Variants in ZCCHC13 observed in about 807,000 individuals in gnomAD.
ZCCHC13 encodes zinc finger CCHC-type containing 13, also known as zinc finger CCHC domain-containing protein 13.
For missense variants in ZCCHC13, 133 were observed against 135.9 expected (o/e 0.98, Z 0.11); for synonymous variants, 58 against 52.3 (o/e 1.11, Z -0.47).
Position 74,304,911 on chromosome X carries a change from G to C in ZCCHC13, c.*144G>C. On this transcript the variant is annotated 3_prime_UTR_variant, in exon 1 of 1. Coordinates refer to ENST00000339534, the MANE Select transcript of ZCCHC13 (RefSeq NM_203303.3). ...GTGAGCTTTAATTACCATGTTAAAG[G>C]AGGAAAGAGCTAGAAAAAAAAACCT... 1 of 472,623 alleles carries C rather than the reference G, an allele frequency of 2.1e-6. No individual in the cohort carries two copies. The highest frequency in any genetic ancestry group is 3.6e-6 in the Non-Finnish European group (1 of 279,564). The allele number at this position is 472,623 out of a possible 1,213,427, so 38.9% of individuals were successfully genotyped here.
Position 74,304,349 on chromosome X carries a change from G to A in ZCCHC13, c.83G>A (p.Arg28Lys). Residue 28 changes from arginine (R) to lysine (K), a missense_variant, in exon 1 of 1, where the codon AGA (arginine) becomes AAA (lysine). Arg to Lys is a conservative substitution (Grantham distance 26). Coordinates refer to ENST00000339534, the MANE Select transcript of ZCCHC13 (RefSeq NM_203303.3). The part of the protein sequence containing the change: ...GCPRGGAGGR[R>K]GGGHGRGSQC... ...CCTAGAGGAGGAGCTGGAGGGCGAAGAGGTGGAGGCCATGGCAGAGGTTCT... is the reference window on the plus strand; with the variant it reads ...CCTAGAGGAGGAGCTGGAGGGCGAAAAGGTGGAGGCCATGGCAGAGGTTCT... 1 of 1,212,029 alleles carries A rather than the reference G, an allele frequency of 8.3e-7. No homozygotes were observed. Among genetic ancestry groups the A allele is most frequent in the Non-Finnish European group, 1.1e-6 (1 of 895,530 alleles).
rs755574156 is a variant in ZCCHC13, at chrX:74,304,745, C to G, written c.479C>G (p.Ser160Cys). 1.9e-5 allele frequency: 23 copies of G among 1,208,689 alleles called. No homozygotes were observed. Among genetic ancestry groups the G allele is most frequent in the South Asian group, 3.5e-5 (2 of 56,634 alleles). Residue 160 changes from serine to cysteine, a missense_variant, in exon 1 of 1, where the codon TCT (serine) becomes TGT (cysteine). Physicochemically the swap from Ser to Cys is moderately radical, Grantham distance 112 (BLOSUM62 -1). Coordinates refer to ENST00000339534, the MANE Select transcript of ZCCHC13 (RefSeq NM_203303.3). ...QLLPLRQIPT[S>C]SQGMSQ ...CTACCGCTGCGGCAAATCCCGACAT[C>G]TAGCCAAGGAATGTCCCAGTGAGGT...
chrX:74,304,237 G>A lies in ZCCHC13; in HGVS notation c.-30G>A, dbSNP rs760398494. On this transcript the variant is annotated 5_prime_UTR_variant, in exon 1 of 1. Coordinates refer to ENST00000339534, the MANE Select transcript of ZCCHC13 (RefSeq NM_203303.3). ...GCCGGGGCCTCCGGGGCCGAGGTGG[G>A]CCTGCTCATTGGAAGATCGCATCGC... 23 of 1,166,101 alleles carry A rather than the reference G, an allele frequency of 2.0e-5. No individual in the cohort carries two copies. Among genetic ancestry groups the A allele is most frequent in the Non-Finnish European group, 2.6e-5 (23 of 870,392 alleles).
At position 74,304,262 on chromosome X, in the gene ZCCHC13, C is replaced by T; in HGVS notation, c.-5C>T. Reference sequence around the variant, plus strand: ...GCCTGCTCATTGGAAGATCGCATCGCAGCCATGAGCAGTAAGGATTTCTTC... The same window carrying T: ...GCCTGCTCATTGGAAGATCGCATCGTAGCCATGAGCAGTAAGGATTTCTTC... On this transcript the variant is annotated 5_prime_UTR_variant, in exon 1 of 1. Transcript: ENST00000339534. The T allele has an allele frequency of 8.4e-7, 1 of 1,186,523 alleles. No homozygotes were observed. Among genetic ancestry groups the T allele is most frequent in the Non-Finnish European group, 1.1e-6 (1 of 880,595 alleles).
At position 74,304,483 on chromosome X, in the gene ZCCHC13, A is replaced by G. The variant is rs1926492357; in HGVS notation, c.217A>G (p.Ser73Gly). Residue 73 changes from serine to glycine, a missense_variant, in exon 1 of 1, where the codon AGC (serine) becomes GGC (glycine). Physicochemically the swap from Ser to Gly is moderately conservative, Grantham distance 56. Transcript: ENST00000339534. ...LGNICYNCGR[S>G]GHIAKDCKDP... is the part of the protein sequence containing the mutation. ...AAACATCTGCTACAACTGTGGGAGA[A>G]GCGGCCACATCGCCAAAGACTGTAA... 8.3e-7 allele frequency: 1 copy of G among 1,210,820 alleles called. No homozygotes were observed. The highest frequency in any genetic ancestry group is 1.7e-5 in the African/African-American group (1 of 57,372).
Position 74,304,653 on chromosome X carries a change from G to A in ZCCHC13, c.387G>A (p.Lys129=). ...GHIQKDCAQV[K]CYRCGEIGHV... is the part of the protein sequence containing the mutation. ...TTCAGAAAGACTGCGCCCAGGTCAA[G>A]TGTTACCGATGCGGCGAGATTGGCC... The change falls in exon 1 of 1, where the codon AAG becomes AAA. Residue 129 remains lysine (K), a synonymous_variant. Transcript: ENST00000339534. 2 of 1,211,993 alleles carry A rather than the reference G, an allele frequency of 1.7e-6. No individual in the cohort carries two copies. Among genetic ancestry groups the A allele is most frequent in the South Asian group, 3.5e-5 (2 of 57,001 alleles).
chrX:74,304,903 T>C lies in ZCCHC13; in HGVS notation c.*136T>C, dbSNP rs1002266041. 5.9e-5 allele frequency: 28 copies of C among 476,486 alleles called. No homozygotes were observed. In the African/African-American group the frequency reaches 6.8e-4, roughly 12 times the overall value. The allele number at this position is 476,486 out of a possible 1,213,427, so 39.3% of individuals were successfully genotyped here. ...TCAGGCAAGTGAGCTTTAATTACCA[T>C]GTTAAAGGAGGAAAGAGCTAGAAAA... On this transcript the variant is annotated 3_prime_UTR_variant, in exon 1 of 1. Coordinates refer to ENST00000339534, the MANE Select transcript of ZCCHC13 (RefSeq NM_203303.3).
Position 74,304,295 on chromosome X carries a change from G to T in ZCCHC13, c.29G>T (p.Gly10Val). ...AGCAGTAAGGATTTCTTCGCGTGTGGACACTCTGGCCATTGGGCTCGGGGA... is the reference window on the plus strand; with the variant it reads ...AGCAGTAAGGATTTCTTCGCGTGTGTACACTCTGGCCATTGGGCTCGGGGA... MSSKDFFAC[G>V]HSGHWARGCP... Residue 10 changes from glycine to valine, a missense_variant, in exon 1 of 1, where the codon GGA (glycine) becomes GTA (valine). Transcript: ENST00000339534. The T allele has an allele frequency of 8.3e-7, 1 of 1,208,381 alleles. No homozygotes were observed.
In ZCCHC13 at chrX:74,304,859, C is replaced by G; in HGVS notation, c.*92C>G. 9.5e-6 allele frequency: 7 copies of G among 739,560 alleles called. No homozygotes were observed. The highest frequency in any genetic ancestry group is 1.4e-5 in the Non-Finnish European group (7 of 507,314). 60.9% of individuals were successfully genotyped at this position (739,560 alleles called of 1,213,427 possible). A position where few individuals can be genotyped will look rare whatever the true frequency, so the allele number is the denominator to read the frequency against. On this transcript the variant is annotated 3_prime_UTR_variant, in exon 1 of 1. Transcript: ENST00000339534. Reference sequence around the variant, plus strand: ...CCGAAAACTTCACTCACCGAAAGGTCGATAGATTGAGGCTACTCTCAGGCA... The same window carrying G: ...CCGAAAACTTCACTCACCGAAAGGTGGATAGATTGAGGCTACTCTCAGGCA...
rs1378914630 is a variant in ZCCHC13, at chrX:74,304,272, C to A, written c.6C>A (p.Ser2Arg). 1.7e-6 allele frequency: 2 copies of A among 1,196,842 alleles called. No homozygotes were observed. The highest frequency in any genetic ancestry group is 2.3e-6 in the Non-Finnish European group (2 of 887,376). The change falls in exon 1 of 1, where the codon AGC becomes AGA. Residue 2 changes from serine (S) to arginine (R), a missense_variant. Physicochemically the swap from Ser to Arg is moderately radical, Grantham distance 110. Coordinates refer to ENST00000339534, the MANE Select transcript of ZCCHC13 (RefSeq NM_203303.3). The part of the protein sequence containing the change: M[S>R]SKDFFACGHS... The stretch of plus-strand genomic sequence containing the variant: ...TGGAAGATCGCATCGCAGCCATGAG[C>A]AGTAAGGATTTCTTCGCGTGTGGAC...
Position 74,304,761 on chromosome X carries a change from C to T in ZCCHC13, c.495C>T (p.Ser165=), listed in dbSNP as rs768305262. Residue 165 remains serine, a synonymous_variant, in exon 1 of 1, where the codon TCC becomes TCT. Transcript: ENST00000339534. ...TCCCGACATCTAGCCAAGGAATGTC[C>T]CAGTGAGGTTACCACTTAAATCTTC... The part of the protein sequence containing the change: ...RQIPTSSQGM[S]Q 1 of 1,207,093 alleles carries T rather than the reference C, an allele frequency of 8.3e-7. No homozygotes were observed. Among genetic ancestry groups the T allele is most frequent in the Non-Finnish European group, 1.1e-6 (1 of 892,273 alleles).
chrX:74,304,225 G>A lies in ZCCHC13; in HGVS notation c.-42G>A, dbSNP rs771617629. The A allele has an allele frequency of 4.4e-6, 5 of 1,142,243 alleles. No individual in the cohort carries two copies. The highest frequency in any genetic ancestry group is 3.5e-6 in the Non-Finnish European group (3 of 860,188). The allele number at this position is 1,142,243 out of a possible 1,213,427, so 94.1% of individuals were successfully genotyped here. ...AAGCGGGGTTGCGCCGGGGCCTCCGGGGCCGAGGTGGGCCTGCTCATTGGA... is the reference window on the plus strand; with the variant it reads ...AAGCGGGGTTGCGCCGGGGCCTCCGAGGCCGAGGTGGGCCTGCTCATTGGA... On this transcript the variant is annotated 5_prime_UTR_variant, in exon 1 of 1. Coordinates refer to ENST00000339534, the MANE Select transcript of ZCCHC13 (RefSeq NM_203303.3).
Position 74,304,512 on chromosome X carries a change from T to C in ZCCHC13, c.246T>C (p.Asp82=). 8.3e-7 allele frequency: 1 copy of C among 1,211,701 alleles called. No individual in the cohort carries two copies. The change falls in exon 1 of 1, where the codon GAT becomes GAC. Residue 82 remains aspartate (D), a synonymous_variant. Transcript: ENST00000339534. ...GCCACATCGCCAAAGACTGTAAGGA[T>C]CCTAAACGAGAGAGACGCCAACACT... is the stretch of plus-strand genomic sequence containing the variant. ...RSGHIAKDCK[D]PKRERRQHCY...
Position 74,304,529 on chromosome X carries a change from G to T in ZCCHC13, c.263G>T (p.Arg88Leu). The T allele has an allele frequency of 1.6e-6, 2 of 1,212,231 alleles. No individual in the cohort carries two copies. The highest frequency in any genetic ancestry group is 2.2e-6 in the Non-Finnish European group (2 of 895,628). ...KDCKDPKRER[R>L]QHCYTCGRLG... ...TGTAAGGATCCTAAACGAGAGAGAC[G>T]CCAACACTGTTATACCTGCGGCAGA... is the stretch of plus-strand genomic sequence containing the variant. Residue 88 changes from arginine to leucine, a missense_variant, in exon 1 of 1, where the codon CGC becomes CTC. Physicochemically the swap from Arg to Leu is moderately radical, Grantham distance 102. Coordinates refer to ENST00000339534, the MANE Select transcript of ZCCHC13 (RefSeq NM_203303.3).
Position 74,304,421 on chromosome X carries a change from A to C in ZCCHC13, c.155A>C (p.Glu52Ala). 8.3e-7 allele frequency: 1 copy of C among 1,212,025 alleles called. No homozygotes were observed. Among genetic ancestry groups the C allele is most frequent in the Non-Finnish European group, 1.1e-6 (1 of 895,609 alleles). The change falls in exon 1 of 1, where the codon GAG becomes GCG. Residue 52 changes from glutamate to alanine, a missense_variant. Coordinates refer to ENST00000339534, the MANE Select transcript of ZCCHC13 (RefSeq NM_203303.3). ...TLSYTCYCCG[E>A]SGRNAKNCVL... ...TCTTACACCTGTTACTGCTGTGGTG[A>C]GTCCGGTCGTAATGCTAAGAACTGT...
chrX:74,304,989 C>A lies in ZCCHC13; in HGVS notation c.*222C>A. On this transcript the variant is annotated 3_prime_UTR_variant, in exon 1 of 1. Coordinates refer to ENST00000339534, the MANE Select transcript of ZCCHC13 (RefSeq NM_203303.3). ...CCACAATTAACGTGTTGCTTCTGCC[C>A]CACGGGCAAATCTAGTTATTAAATA... 1 of 373,138 alleles carries A rather than the reference C, an allele frequency of 2.7e-6. No homozygotes were observed. Among genetic ancestry groups the A allele is most frequent in the South Asian group, 4.6e-5 (1 of 21,539 alleles). The allele number at this position is 373,138 out of a possible 1,213,427, so 30.8% of individuals were successfully genotyped here. A position where few individuals can be genotyped will look rare whatever the true frequency, so the allele number is the denominator to read the frequency against.
In ZCCHC13 at chrX:74,304,466, G is replaced by A; in HGVS notation, c.200G>A (p.Cys67Tyr). ...AKNCVLLGNI[C>Y]YNCGRSGHIA... ...AACTGTGTCCTTCTCGGAAACATCT[G>A]CTACAACTGTGGGAGAAGCGGCCAC... is the stretch of plus-strand genomic sequence containing the variant. Residue 67 changes from cysteine (C) to tyrosine (Y), a missense_variant, in exon 1 of 1, where the codon TGC becomes TAC. Transcript: ENST00000339534. 1 of 1,212,265 alleles carries A rather than the reference G, an allele frequency of 8.2e-7. No homozygotes were observed. Among genetic ancestry groups the A allele is most frequent in the South Asian group, 1.8e-5 (1 of 57,018 alleles).
chrX:74,304,205 G>C lies in ZCCHC13; in HGVS notation c.-62G>C. On this transcript the variant is annotated 5_prime_UTR_variant, in exon 1 of 1. Coordinates refer to ENST00000339534, the MANE Select transcript of ZCCHC13 (RefSeq NM_203303.3). ...AATTCTTTCTAAGCCGCCCAAAGCGGGGTTGCGCCGGGGCCTCCGGGGCCG... is the reference window on the plus strand; with the variant it reads ...AATTCTTTCTAAGCCGCCCAAAGCGCGGTTGCGCCGGGGCCTCCGGGGCCG... The C allele has an allele frequency of 8.9e-7, 1 of 1,122,512 alleles. No homozygotes were observed. The highest frequency in any genetic ancestry group is 1.2e-6 in the Non-Finnish European group (1 of 850,605). The allele number at this position is 1,122,512 out of a possible 1,213,427, so 92.5% of individuals were successfully genotyped here.
chrX:74,304,251 A>C lies in ZCCHC13; in HGVS notation c.-16A>C, dbSNP rs765325365. On this transcript the variant is annotated 5_prime_UTR_variant, in exon 1 of 1. Coordinates refer to ENST00000339534, the MANE Select transcript of ZCCHC13 (RefSeq NM_203303.3). Reference sequence around the variant, plus strand: ...GGCCGAGGTGGGCCTGCTCATTGGAAGATCGCATCGCAGCCATGAGCAGTA... The same window carrying C: ...GGCCGAGGTGGGCCTGCTCATTGGACGATCGCATCGCAGCCATGAGCAGTA... The C allele has an allele frequency of 9.3e-6, 11 of 1,178,657 alleles. No homozygotes were observed. The highest frequency in any genetic ancestry group is 1.3e-5 in the Non-Finnish European group (11 of 876,717).
Sources: allele counts gnomAD v4.1 joint callset, GRCh38; gene constraint gnomAD v4.1.1; transcripts MANE v1.5; gene names NCBI Gene and HGNC (gene_info 2026-07-23, HGNC 2026-07-21).